Variants in GALK1 observed in about 807,000 individuals in gnomAD.
GALK1 encodes the protein galactokinase.
GALK1 carries 30 observed loss-of-function variants against 38.6 expected under a neutral mutation model. The ratio of observed to expected loss-of-function variants is 0.78; its 90% CI spans 0.58 to 1.05. The LOEUF (loss-of-function observed/expected upper bound fraction) is 1.05, where lower values mean the gene tolerates loss of function less well. GALK1 is among the 50% of genes least tolerant of loss of function. GALK1 has a pLI of 0.00. For synonymous variants in GALK1, 240 were observed against 233.6 expected (o/e 1.03, Z -0.25); for missense variants, 512 against 540.5 (o/e 0.95, Z 0.52).
chr17:75,762,413 T>C (rs549599039), intron 5 of GALK1, among the ~76,000 whole-genome samples: 29 of 152,264 alleles, frequency 1.9e-4, no homozygotes, highest in Admixed American at 5.2e-4. Flanking sequence ...AACGTGAAAA[T>C]GTCAGCAGTG....
At chr17:75,755,104 G>A (rs1050346007), downstream of GALK1, 23 of 1,606,062 alleles carry the variant, frequency 1.4e-5, no homozygotes, top group Non-Finnish European at 1.9e-5. Context: ...CGCTGTCCTG[G>A]GCCCTGGGGT....
At chr17:75,757,053 G>A, downstream of GALK1, 2 of 1,612,836 alleles carry the variant, frequency 1.2e-6, no homozygotes. Context: ...CAGGACCACT[G>A]AGGGCTTCGG....
intron 8 of GALK1, chr17:75,752,389 C>T (rs1423562064): frequency 8.9e-6 from 14 of 1,577,342 alleles, no homozygotes; most frequent in East Asian, 7.1e-5. Context: ...AGGGGCAGAC[C>T]GGGCAGGGGG....
downstream of GALK1, chr17:75,754,621 C>T (rs554267559): frequency 2.4e-5 from 39 of 1,614,012 alleles, no homozygotes; most frequent in South Asian, 3.0e-4. Flanking sequence ...CCGGGCAGCA[C>T]CAACTCCCTG....
intron 5 of GALK1, 136 bp downstream of exon 5, chr17:75,762,568 C>G (rs1484291436): frequency 1.1e-6 from 1 of 878,570 alleles, no homozygotes; most frequent in East Asian, 2.5e-5. Flanking sequence ...ACCCTGGGTG[C>G]GCAGTGTTTG....
At chr17:75,763,775 C>G in intron 2 of GALK1, 122 bp downstream of exon 2, 1 of 1,024,332 alleles carries the variant, frequency 9.8e-7, no homozygotes, top group Non-Finnish European at 1.5e-6. Context: ...CTCATCTGTA[C>G]AATGGGATGC....
intron 5 of GALK1, among the ~76,000 whole-genome samples, chr17:75,761,634 A>G (rs970216831): frequency 4.0e-5 from 6 of 150,820 alleles, no homozygotes; most frequent in Admixed American, 1.3e-4. Context: ...AAAAAAGAAA[A>G]AAAAAAAAAA....
At chr17:75,759,602 G>T (rs924282332) in intron 5 of GALK1, among the ~76,000 whole-genome samples, 6 of 152,094 alleles carry the variant, frequency 3.9e-5, no homozygotes, top group Admixed American at 3.3e-4. Flanking sequence ...AGGAGGCAGG[G>T]TGAGCTGCTC....
At chr17:75,752,480 C>T (rs1181191319) in intron 8 of GALK1, 1 of 1,613,496 alleles carries the variant, frequency 6.2e-7, no homozygotes, top group Admixed American at 1.7e-5. Flanking sequence ...TCGTGGACGC[C>T]CAGAGCGGGG....
downstream of GALK1, chr17:75,756,649 C>T (rs1323367172): frequency 2.5e-6 from 4 of 1,612,900 alleles, no homozygotes; most frequent in African/African-American, 1.3e-5. Context: ...CAGAGCTGCC[C>T]CCATCATGCC....
downstream of GALK1, chr17:75,755,806 G>A (rs766336707): frequency 3.0e-5 from 49 of 1,609,306 alleles, no homozygotes; most frequent in East Asian, 2.2e-4. Context: ...CGGTGCGAGC[G>A]GCCGCTGCAG....
chr17:75,756,457 C>T, downstream of GALK1: 1 of 1,613,378 alleles, frequency 6.2e-7, no homozygotes, highest in Non-Finnish European at 8.5e-7. Context: ...ACATCCCCAA[C>T]CCTGCCCAGA....
chr17:75,753,738 C>T, downstream of GALK1: 2 of 1,378,102 alleles, frequency 1.5e-6, no homozygotes, highest in Non-Finnish European at 1.9e-6. Context: ...CCCGGCGGTG[C>T]CAACGCGGCC....
chr17:75,761,733 A>G (rs74974568), intron 5 of GALK1, among the ~76,000 whole-genome samples: 36 of 151,330 alleles, frequency 2.4e-4, no homozygotes, highest in South Asian at 1.7e-3. Context: ...AAAAAAAAAA[A>G]AGAGACCGGC....
chr17:75,753,013 C>CG (rs1423521853), downstream of GALK1, among the ~76,000 whole-genome samples: 1 of 152,212 alleles, frequency 6.6e-6, no homozygotes, highest in Non-Finnish European at 1.5e-5. Context: ...CAAAGTGCTG[C>CG]GGAGCCCTTA....
chr17:75,757,659 C>T (rs768411121), downstream of GALK1: 243 of 1,478,278 alleles, frequency 1.6e-4, no homozygotes, highest in Non-Finnish European at 2.2e-4. Context: ...GGGCCCAGCC[C>T]ACCCGCATGC....
downstream of GALK1, chr17:75,755,857 C>T (rs371215608): frequency 9.4e-6 from 15 of 1,601,208 alleles, no homozygotes; most frequent in Non-Finnish European, 1.2e-5. Flanking sequence ...GGCGGTGAGG[C>T]ATGGTGGCTG....
At chr17:75,757,504 CACCAGCGGA>C (rs1309487950), downstream of GALK1, 2 of 1,613,192 alleles carry the variant, frequency 1.2e-6, no homozygotes, top group Non-Finnish European at 1.7e-6. Flanking sequence ...GGACACTGAC[CACCAGCGGA>C]ACCCTTAGCA....
At chr17:75,756,881 G>A (rs369411840), downstream of GALK1, 3 of 1,612,116 alleles carry the variant, frequency 1.9e-6, no homozygotes, top group Middle Eastern at 1.7e-4. Flanking sequence ...CCCGGGGGCA[G>A]GAGTGGCCAG....
Sources: gnomAD v4.1 joint callset for allele counts (sites outside exome capture counted in the v4.1 genomes callset) on GRCh38, gnomAD v4.1.1 for gene constraint, MANE v1.5 for transcripts, NCBI Gene and HGNC (gene_info 2026-07-23, HGNC 2026-07-21) for gene names.